Variants in DDAH1 observed in about 807,000 individuals in gnomAD.
The protein encoded by DDAH1 is N(G),N(G)-dimethylarginine dimethylaminohydrolase 1.
A neutral mutation model predicts 28.8 loss-of-function variants in DDAH1; 19 were observed. The ratio of observed to expected loss-of-function variants is 0.66; its 90% CI spans 0.46 to 0.97. DDAH1 has a LOEUF of 0.97. Ranked by LOEUF, DDAH1 falls within the 50% of genes least tolerant of loss-of-function variation. The pLI, the probability that DDAH1 is intolerant of heterozygous loss-of-function variation, is 0.00. For synonymous variants in DDAH1, 153 were observed against 154.4 expected (o/e 0.99, Z 0.07); for missense variants, 326 against 375.9 (o/e 0.87, Z 1.10).
intron 1 of DDAH1, among the ~76,000 whole-genome samples, chr1:85,525,387 G>A (rs1302779238): frequency 6.6e-6 from 1 of 152,144 alleles, no homozygotes; most frequent in Non-Finnish European, 1.5e-5. Flanking sequence ...TAACTCAGTT[G>A]ATAGGACATG....
chr1:85,333,160 C>T (rs192513065), intron 4 of DDAH1, among the ~76,000 whole-genome samples: 2 of 152,354 alleles, frequency 1.3e-5, no homozygotes, highest in Non-Finnish European at 2.9e-5. Context: ...AGGAAAACCT[C>T]AGCATAATCT....
At chr1:85,516,298 C>G (rs1657471769) in intron 1 of DDAH1, among the ~76,000 whole-genome samples, 1 of 149,012 alleles carries the variant, frequency 6.7e-6, no homozygotes, top group Non-Finnish European at 1.5e-5. Flanking sequence ...ATGGCTGGGT[C>G]TCATTTCTAG....
intron 1 of DDAH1, among the ~76,000 whole-genome samples, chr1:85,451,433 TTATTCACCA>T (rs1430394471): frequency 2.0e-5 from 3 of 152,146 alleles, no homozygotes; most frequent in Admixed American, 6.5e-5. Flanking sequence ...ATTATTGCAT[TTATTCACCA>T]TAACAATGCT....
At chr1:85,565,387 C>A (rs983665964) in intron 1 of DDAH1, among the ~76,000 whole-genome samples, 1 of 151,942 alleles carries the variant, frequency 6.6e-6, no homozygotes, top group Admixed American at 6.6e-5. Context: ...CATAAAACAA[C>A]GGGTTAAAAC....
At chr1:85,566,407 G>C (rs1264156449) in intron 1 of DDAH1, among the ~76,000 whole-genome samples, 1 of 150,532 alleles carries the variant, frequency 6.6e-6, no homozygotes, top group Non-Finnish European at 1.5e-5. Context: ...TGGGAGGATG[G>C]CTCGAGCCTG....
intron 1 of DDAH1, among the ~76,000 whole-genome samples, chr1:85,540,915 G>A (rs550979205): frequency 4.1e-5 from 6 of 145,342 alleles, no homozygotes; most frequent in East Asian, 2.0e-4. Context: ...AGCCAAGATC[G>A]TGCTACTGCA....
chr1:85,403,806 G>A (rs1427072029), intron 1 of DDAH1, among the ~76,000 whole-genome samples: 1 of 152,110 alleles, frequency 6.6e-6, no homozygotes, highest in African/African-American at 2.4e-5. Flanking sequence ...ATTTAACATA[G>A]TTGTTAAAAT....
chr1:85,437,446 C>T (rs1653992719), intron 1 of DDAH1, among the ~76,000 whole-genome samples: 1 of 152,142 alleles, frequency 6.6e-6, no homozygotes, highest in South Asian at 2.1e-4. Context: ...CTTCCTTCTC[C>T]TCCTCAGCCT....
intron 1 of DDAH1, among the ~76,000 whole-genome samples, chr1:85,562,848 G>A (rs946038574): frequency 1.3e-5 from 2 of 152,096 alleles, no homozygotes; most frequent in Non-Finnish European, 2.9e-5. Context: ...ACTTTGGTAT[G>A]GCAGCCCTCA....
chr1:85,351,668 TCA>T (rs1183172599), intron 2 of DDAH1, 89 bp from the exon 3 acceptor site: 1 of 951,960 alleles, frequency 1.1e-6, no homozygotes, highest in Non-Finnish European at 1.7e-6. Context: ...CCTTAAAGCA[TCA>T]CACAGTTCTC....
At chr1:85,323,735 C>A (rs1661447108) in intron 5 of DDAH1, among the ~76,000 whole-genome samples, 1 of 151,672 alleles carries the variant, frequency 6.6e-6, no homozygotes, top group African/African-American at 2.4e-5. Context: ...CTTTGGGAGG[C>A]TGAAGTGGGA....
At chr1:85,476,622 G>T (rs185650836) in intron 2 of DDAH1, among the ~76,000 whole-genome samples, 66 of 152,134 alleles carry the variant, frequency 4.3e-4, no homozygotes, top group African/African-American at 1.5e-3. Context: ...GGAAGCTGCC[G>T]TGCTCTTTAG....
chr1:85,498,612 A>G (rs1364417969), intron 1 of DDAH1, among the ~76,000 whole-genome samples: 1 of 152,178 alleles, frequency 6.6e-6, no homozygotes, highest in African/African-American at 2.4e-5. Flanking sequence ...TAGAGGAAAT[A>G]AAATGAAATA....
At chr1:85,441,280 C>T (rs906317674) in intron 1 of DDAH1, among the ~76,000 whole-genome samples, 9 of 152,248 alleles carry the variant, frequency 5.9e-5, no homozygotes, top group Non-Finnish European at 1.2e-4. Context: ...TGGTGGCTCA[C>T]GCCTGTAATC....
chr1:85,467,102 G>T (rs1400690281), upstream of DDAH1, among the ~76,000 whole-genome samples: 1 of 152,154 alleles, frequency 6.6e-6, no homozygotes, highest in African/African-American at 2.4e-5. Context: ...CTCCCAACGT[G>T]CTGGGATTAC....
chr1:85,563,139 G>A (rs1659186647), intron 1 of DDAH1, among the ~76,000 whole-genome samples: 1 of 152,130 alleles, frequency 6.6e-6, no homozygotes, highest in African/African-American at 2.4e-5. Flanking sequence ...CAGTCTCCCT[G>A]GGTTGATGAG....
At chr1:85,527,619 T>C (rs1352276123) in intron 1 of DDAH1, among the ~76,000 whole-genome samples, 3 of 152,220 alleles carry the variant, frequency 2.0e-5, no homozygotes, top group African/African-American at 7.2e-5. Context: ...TCACACAGAC[T>C]GTCTACTCTC....
At chr1:85,351,191 C>T (rs1052329436) in intron 3 of DDAH1, among the ~76,000 whole-genome samples, 36 of 151,968 alleles carry the variant, frequency 2.4e-4, no homozygotes, top group African/African-American at 7.7e-4. Flanking sequence ...CCATCACGCC[C>T]GGCCTTCCAG....
Position 85,350,671 on chromosome 1 carries a change from C to T in DDAH1, c.478-137G>A, listed in dbSNP as rs1438813235. 3.8e-6 allele frequency: 4 copies of T among 1,062,774 alleles called. No homozygotes were observed. The African/African-American group carries it at 6.4e-5, about 17-fold the overall frequency. 65.8% of individuals were successfully genotyped at this position (1,062,774 alleles called of 1,614,324 possible). A position where few individuals can be genotyped will look rare whatever the true frequency, so the allele number is the denominator to read the frequency against. On this transcript the variant is annotated intron_variant, in intron 3 of 5. Transcript: ENST00000284031. ...TATTTGGAAGAAAAACTGGGACCCA[C>T]AGATTTGGATATTGCTAGTTAAACG...
Sources: allele counts gnomAD v4.1 joint callset (sites outside exome capture counted in the v4.1 genomes callset), GRCh38; gene constraint gnomAD v4.1.1; transcripts MANE v1.5; gene names NCBI Gene and HGNC (gene_info 2026-07-23, HGNC 2026-07-21).